The following WDHD1 variants were observed in gnomAD, a reference collection of about 807,000 sequenced individuals.
The protein encoded by WDHD1 is WD repeat and HMG-box DNA binding protein 1, also known as WD repeat and HMG-box DNA-binding protein 1.
Under a neutral mutation model 135.4 loss-of-function variants are expected in WDHD1, and 111 were observed. The ratio of observed to expected loss-of-function variants is 0.82; its 90% CI spans 0.70 to 0.96. WDHD1 has a LOEUF of 0.96. Ranked by LOEUF, WDHD1 falls within the 40% of genes least tolerant of loss-of-function variation. The probability of loss-of-function intolerance (pLI) is 0.00; values close to 1 mark genes in which losing one functional copy is unlikely to be tolerated. For missense variants in WDHD1, 1,351 were observed against 1,336.3 expected (o/e 1.01, Z -0.17); for synonymous variants, 434 against 439.0 (o/e 0.99, Z 0.14).
At position 54,955,686 on chromosome 14, in the gene WDHD1, T is replaced by C; in HGVS notation, c.2925A>G (p.Ala975=). The C allele has an allele frequency of 1.3e-6, 2 of 1,566,732 alleles. No homozygotes were observed. The highest frequency in any genetic ancestry group is 8.6e-7 in the Non-Finnish European group (1 of 1,162,654). The change falls in exon 24 of 26, where the codon GCA becomes GCG. Residue 975 remains alanine (A), a synonymous_variant. Transcript: ENST00000360586. ...IPKPKPKQAS[A]ASYFQKRNSQ... ...AATTTCTTTTCTGGAAATAGGATGC[T>C]GCAGATGCCTATAAAAACAAACATG...
At chr14:54,978,979 T>G (rs1256648181) in intron 16 of WDHD1, among the ~76,000 whole-genome samples, 1 of 152,230 alleles carries the variant, frequency 6.6e-6, no homozygotes, top group Non-Finnish European at 1.5e-5. Flanking sequence ...ACTACTTTTT[T>G]TTCTTTTTTC....
chr14:55,003,530 A>C (rs1365648870), intron 7 of WDHD1, among the ~76,000 whole-genome samples: 2 of 151,340 alleles, frequency 1.3e-5, no homozygotes, highest in African/African-American at 4.9e-5. Flanking sequence ...AAAGGAAAGA[A>C]AAAATAATTT....
chr14:55,001,102 G>T, intron 8 of WDHD1, 110 bp from the exon 9 acceptor site: 1 of 586,868 alleles, frequency 1.7e-6, no homozygotes, highest in East Asian at 3.9e-5. Context: ...AATTTGGAGG[G>T]GAATCAACCA....
intron 7 of WDHD1, among the ~76,000 whole-genome samples, chr14:55,002,956 G>C (rs1364464730): frequency 1.3e-5 from 2 of 151,926 alleles, no homozygotes; most frequent in Non-Finnish European, 2.9e-5. Context: ...TTTGTTTGAG[G>C]AAAATAAAGA....
At chr14:54,947,098 G>A (rs747791135) in intron 24 of WDHD1, among the ~76,000 whole-genome samples, 10 of 152,162 alleles carry the variant, frequency 6.6e-5, no homozygotes, top group East Asian at 1.9e-4. Flanking sequence ...CCTGCACTTT[G>A]GGAGGCCAAG....
Position 55,007,372 on chromosome 14 carries a change from A to G in WDHD1, c.508T>C (p.Cys170Arg), listed in dbSNP as rs768466067. 1.3e-6 allele frequency: 2 copies of G among 1,583,818 alleles called. No individual in the cohort carries two copies. The highest frequency in any genetic ancestry group is 1.2e-5 in the South Asian group (1 of 84,122). ...VRVWQISDQT[C>R]AISWPLLQKC... The stretch of plus-strand genomic sequence containing the variant: ...TGTAGCAGTGGCCAACTAATAGCAC[A>G]TGTCTAATTGGTAAAAAAAGAAAAT... The change falls in exon 7 of 26, where the codon TGT becomes CGT. Residue 170 changes from cysteine (C) to arginine (R), a missense_variant. By Grantham distance (180) the Cys-to-Arg change is radical. Around this residue, in one of 2 missense-constraint regions of WDHD1, gnomAD observed 1,330 missense variants for 1,296.1 expected, o/e 1.03. Coordinates refer to ENST00000360586, the MANE Select transcript of WDHD1 (RefSeq NM_007086.4).
chr14:55,022,448 A>G (rs753307723), intron 2 of WDHD1, among the ~76,000 whole-genome samples: 4 of 152,074 alleles, frequency 2.6e-5, no homozygotes, highest in Non-Finnish European at 5.9e-5. Context: ...CCCCCCACAG[A>G]ATAGGGCACT....
chr14:55,011,524 CAAAA>C (rs60615259), intron 3 of WDHD1, among the ~76,000 whole-genome samples: 39 of 50,992 alleles, frequency 7.6e-4, no homozygotes, highest in Non-Finnish European at 1.2e-3. Flanking sequence ...AACTCTGTCT[CAAAA>C]AAAAAAAAAA....
Position 54,989,068 on chromosome 14 carries a change from C to T in WDHD1, c.1486G>A (p.Ala496Thr), listed in dbSNP as rs1187339384. 6.2e-7 allele frequency: 1 copy of T among 1,612,636 alleles called. No individual in the cohort carries two copies. The highest frequency in any genetic ancestry group is 1.3e-5 in the African/African-American group (1 of 74,868). ...GTGCTTTCACATGCCAACAAAATAG[C>T]TTCGTGGGAAAGATCTGCTATTGTA... The part of the protein sequence containing the change: ...NYTIADLSHE[A>T]ILLACESTDE... The change falls in exon 13 of 26, where the codon GCT becomes ACT. Residue 496 changes from alanine to threonine, a missense_variant. By Grantham distance (58) the Ala-to-Thr change is moderately conservative. This residue lies in a region of WDHD1 where 1,330 missense variants were observed against 1,296.1 expected (regional missense o/e 1.03). Transcript: ENST00000360586.
intron 4 of WDHD1, among the ~76,000 whole-genome samples, chr14:55,009,696 G>A (rs1333483717): frequency 6.8e-6 from 1 of 147,616 alleles, no homozygotes; most frequent in East Asian, 2.1e-4. Flanking sequence ...CCTCCCAAAG[G>A]GCTGGGATTA....
rs146698591 is a variant in WDHD1 at position 54,995,717 on chromosome 14, G to A, written c.1039C>T (p.Pro347Ser). Residue 347 changes from proline to serine, a missense_variant, in exon 11 of 26, where the codon CCT (proline) becomes TCT (serine). Physicochemically the swap from Pro to Ser is moderately conservative, Grantham distance 74. This residue lies in a region of WDHD1 where 1,330 missense variants were observed against 1,296.1 expected (regional missense o/e 1.03). Transcript: ENST00000360586. Reference protein sequence around the residue: ...DFLNDNAVEIPSFSKGIINDD... With the variant: ...DFLNDNAVEISSFSKGIINDD... ...TTTATAATCCCTTTTGAAAAAGAAG[G>A]GATCTCAACTGCATTGTCATTTAGA... The A allele has an allele frequency of 1.5e-5, 25 of 1,613,078 alleles. No individual in the cohort carries two copies. In the African/African-American group the frequency reaches 3.2e-4, roughly 21 times the overall value.
intron 3 of WDHD1, among the ~76,000 whole-genome samples, chr14:55,011,008 T>TCC (rs1438547397): frequency 1.3e-5 from 2 of 152,232 alleles, no homozygotes; most frequent in Non-Finnish European, 2.9e-5. Context: ...GAACATATTC[T>TCC]CCCTCAGAGC....
At chr14:54,976,389 G>T (rs1047300537) in intron 16 of WDHD1, among the ~76,000 whole-genome samples, 1 of 152,094 alleles carries the variant, frequency 6.6e-6, no homozygotes, top group African/African-American at 2.4e-5. Flanking sequence ...GCCTGGCAGG[G>T]TCTCTCTATG....
intron 24 of WDHD1, among the ~76,000 whole-genome samples, chr14:54,948,570 G>C (rs1171509654): frequency 1.3e-5 from 2 of 152,198 alleles, no homozygotes; most frequent in South Asian, 2.1e-4. Context: ...CTCCACCTCT[G>C]GGGGCAGGGC....
intron 23 of WDHD1, 96 bp downstream of exon 23, chr14:54,956,938 T>C (rs2041169135): frequency 6.9e-7 from 1 of 1,439,956 alleles, no homozygotes; most frequent in African/African-American, 1.4e-5. Flanking sequence ...TTGTAAACAA[T>C]CAGAACCTCC....
chr14:55,001,975 A>G, intron 8 of WDHD1, 118 bp downstream of exon 8: 1 of 715,406 alleles, frequency 1.4e-6, no homozygotes, highest in Non-Finnish European at 2.4e-6. Context: ...GATGGACCAC[A>G]TACAACAGCC....
Position 54,987,239 on chromosome 14 carries a change from T to C in WDHD1, c.1675A>G (p.Ile559Val). The C allele has an allele frequency of 1.2e-6, 2 of 1,614,016 alleles. No individual in the cohort carries two copies. The highest frequency in any genetic ancestry group is 1.1e-5 in the South Asian group (1 of 91,062). ...TSALLLRLFTIGGVQKEVFSL... is the reference protein window; with the variant it reads ...TSALLLRLFTVGGVQKEVFSL... The stretch of plus-strand genomic sequence containing the variant: ...AATACCTCTTTTTGAACCCCTCCAA[T>C]AGTAAACAATCGAAGAAGCAGGGCA... The change falls in exon 14 of 26, where the codon ATT becomes GTT. Residue 559 changes from isoleucine (I) to valine (V), a missense_variant. Ile to Val is a conservative substitution (Grantham distance 29, BLOSUM62 3). Around this residue, in one of 2 missense-constraint regions of WDHD1, gnomAD observed 1,330 missense variants for 1,296.1 expected, o/e 1.03. Coordinates refer to ENST00000360586, the MANE Select transcript of WDHD1 (RefSeq NM_007086.4).
chr14:54,954,682 T>C (rs1453944951), intron 24 of WDHD1, among the ~76,000 whole-genome samples: 1 of 152,260 alleles, frequency 6.6e-6, no homozygotes, highest in Non-Finnish European at 1.5e-5. Context: ...TCCATTTATG[T>C]ATTTACTTTT....
chr14:54,998,723 C>A (rs1219951192), intron 10 of WDHD1, among the ~76,000 whole-genome samples: 1 of 152,068 alleles, frequency 6.6e-6, no homozygotes, highest in African/African-American at 2.4e-5. Flanking sequence ...CACAACCACC[C>A]CAACCGCCAT....
Sources: gnomAD v4.1 joint callset for allele counts (sites outside exome capture counted in the v4.1 genomes callset) on GRCh38, gnomAD v4.1.1 for gene constraint, gnomAD v4.1.1 regional missense constraint, MANE v1.5 for transcripts, NCBI Gene and HGNC (gene_info 2026-07-23, HGNC 2026-07-21) for gene names.